POLR3G: variants seen among roughly 807,000 people sequenced by gnomAD.
The protein encoded by POLR3G is RNA polymerase III subunit G, also known as DNA-directed RNA polymerase III subunit RPC7.
A neutral mutation model predicts 30.1 loss-of-function variants in POLR3G; 28 were observed. The observed-to-expected ratio is 0.93, with a 90% CI of 0.69 to 1.27. The LOEUF (loss-of-function observed/expected upper bound fraction) is 1.27. POLR3G is among the 50% of genes most tolerant of loss of function. The probability of loss-of-function intolerance (pLI) is 0.00; values close to 1 mark genes in which losing one functional copy is unlikely to be tolerated. For missense variants in POLR3G, 254 were observed against 264.6 expected (o/e 0.96, Z 0.28); for synonymous variants, 79 against 82.5 (o/e 0.96, Z 0.23).
At chr5:90,491,208 G>A (rs1224093070) in intron 3 of POLR3G, among the ~76,000 whole-genome samples, 4 of 152,156 alleles carry the variant, frequency 2.6e-5, no homozygotes, top group South Asian at 4.1e-4. Context: ...GAAATGATTA[G>A]TATTTTCTTT....
chr5:90,501,845 A>G lies in POLR3G; in HGVS notation c.356-61A>G, dbSNP rs560718788. The G allele has an allele frequency of 4.0e-5, 63 of 1,589,288 alleles. No individual in the cohort carries two copies. The African/African-American group carries it at 7.3e-4, about 19-fold the overall frequency. The stretch of plus-strand genomic sequence containing the variant: ...ATGCTGGACAGCATACGCAAAGACA[A>G]GGAAATATAATACAGAGTTGCAGTT... On this transcript the variant is annotated intron_variant, in intron 5 of 7. Transcript: ENST00000651687.
intron 7 of POLR3G, among the ~76,000 whole-genome samples, chr5:90,511,221 T>C (rs1752725084): frequency 6.6e-6 from 1 of 152,174 alleles, no homozygotes; most frequent in African/African-American, 2.4e-5. Context: ...GATTCAAAAA[T>C]AAGGGCTCTT....
intron 7 of POLR3G, among the ~76,000 whole-genome samples, chr5:90,507,934 C>T (rs534891928): frequency 2.1e-4 from 32 of 152,198 alleles, no homozygotes; most frequent in Middle Eastern, 3.4e-3. Flanking sequence ...AACTTAGACC[C>T]TTGCTCGCCC....
rs185262499 is a variant in POLR3G, at chr5:90,482,434, G to A, written c.-43-3091G>A. 3.3e-5 allele frequency among the ~76,000 whole-genome samples: 5 copies of A among 152,296 alleles called. No homozygotes were observed. The East Asian group carries it at 9.6e-4, about 29-fold the overall frequency. ...TGTCCTTGTTCATTCCTGGGCATAG[G>A]CTGAACTAACTTTGGGAGGAAATTA... On this transcript the variant is annotated intron_variant, in intron 1 of 7. Transcript: ENST00000651687.
At chr5:90,492,671 A>G (rs1254350074) in intron 3 of POLR3G, among the ~76,000 whole-genome samples, 1 of 152,050 alleles carries the variant, frequency 6.6e-6, no homozygotes, top group East Asian at 1.9e-4. Context: ...TCACGAGGTC[A>G]GGAGATCAAG....
intron 6 of POLR3G, among the ~76,000 whole-genome samples, chr5:90,504,432 G>A (rs1242813571): frequency 6.6e-6 from 1 of 151,918 alleles, no homozygotes; most frequent in African/African-American, 2.4e-5. Flanking sequence ...CGTGGTAGCA[G>A]GCGCCTGTAG....
intron 7 of POLR3G, among the ~76,000 whole-genome samples, chr5:90,510,327 G>A (rs939953323): frequency 5.9e-5 from 9 of 151,920 alleles, no homozygotes; most frequent in South Asian, 2.1e-4. Flanking sequence ...TCAGTGAGCC[G>A]AGATCGCGCC....
chr5:90,506,394 C>T, intron 6 of POLR3G, 134 bp from the exon 7 acceptor site: 1 of 1,252,796 alleles, frequency 8.0e-7, no homozygotes, highest in Non-Finnish European at 1.1e-6. Flanking sequence ...CTCATAGTTT[C>T]CTAGGTGGTA....
At chr5:90,505,686 G>T (rs952690631) in intron 6 of POLR3G, among the ~76,000 whole-genome samples, 1 of 152,006 alleles carries the variant, frequency 6.6e-6, no homozygotes, top group Non-Finnish European at 1.5e-5. Context: ...TAAGAAACAA[G>T]AATTCCTGGC....
intron 2 of POLR3G, 51 bp from the exon 3 acceptor site, chr5:90,487,949 T>C (rs1277193762): frequency 1.4e-6 from 2 of 1,436,042 alleles, no homozygotes; most frequent in Non-Finnish European, 1.9e-6. Context: ...AAAAGGGATA[T>C]TAAAATACAT....
intron 3 of POLR3G, among the ~76,000 whole-genome samples, chr5:90,492,483 G>A (rs1054834641): frequency 3.9e-5 from 6 of 152,154 alleles, no homozygotes; most frequent in South Asian, 2.1e-4. Context: ...ACATGAAATT[G>A]TTTTCTGGAT....
intron 6 of POLR3G, among the ~76,000 whole-genome samples, chr5:90,502,919 T>C (rs1309563246): frequency 6.6e-6 from 1 of 152,068 alleles, no homozygotes; most frequent in East Asian, 1.9e-4. Context: ...TTATTAACAA[T>C]GCTGCAATGA....
intron 3 of POLR3G, among the ~76,000 whole-genome samples, chr5:90,491,259 A>G (rs187975432): frequency 2.5e-4 from 38 of 152,366 alleles, no homozygotes; most frequent in Non-Finnish European, 4.3e-4. Context: ...GAAAAACACC[A>G]ATGAATATTA....
chr5:90,488,201 T>C, intron 3 of POLR3G, 72 bp downstream of exon 3: 1 of 1,223,882 alleles, frequency 8.2e-7, no homozygotes, highest in East Asian at 2.8e-5. Flanking sequence ...ACAAGATATA[T>C]AATCATTTAA....
rs773881344 is a variant in POLR3G, at chr5:90,478,569, C to CTTTTTTTTTTTTTTTTTT, written c.-44+3566_-44+3567insTTTTTTTTTTTTTTTTTT. Among the ~76,000 whole-genome samples, 355 of 79,270 alleles carry CTTTTTTTTTTTTTTTTTT rather than the reference C, an allele frequency of 4.5e-3. 86 individuals are homozygous for CTTTTTTTTTTTTTTTTTT. The highest frequency in any genetic ancestry group is 0.012 in the Middle Eastern group (1 of 82). The allele number at this position is 79,270 out of a possible 152,430, so 52.0% of individuals were successfully genotyped here. The stretch of plus-strand genomic sequence containing the variant: ...AATGGGAGGTTTAATCTGCGTGGTT[C>CTTTTTTTTTTTTTTTTTT]TTTTTTTTTTTTTTTTTGAGAGGGA... On this transcript the variant is annotated intron_variant, in intron 1 of 7. Coordinates refer to ENST00000651687, the MANE Select transcript of POLR3G (RefSeq NM_006467.3).
At chr5:90,508,137 G>A (rs1752576733) in intron 7 of POLR3G, among the ~76,000 whole-genome samples, 1 of 152,052 alleles carries the variant, frequency 6.6e-6, no homozygotes, top group Non-Finnish European at 1.5e-5. Flanking sequence ...CATGTTTTCT[G>A]TTTTTAAGTC....
upstream of POLR3G, chr5:90,474,301 G>A (rs566050806): frequency 1.2e-6 from 2 of 1,611,812 alleles, no homozygotes; most frequent in South Asian, 1.1e-5. Flanking sequence ...ATGCTGGGCA[G>A]GGGTGCAGCC....
chr5:90,483,475 T>C (rs1367881943), intron 1 of POLR3G, among the ~76,000 whole-genome samples: 1 of 152,206 alleles, frequency 6.6e-6, no homozygotes, highest in African/African-American at 2.4e-5. Flanking sequence ...TCTGGGGCCT[T>C]AAATGTAGAA....
At chr5:90,476,666 G>A (rs1750840583) in intron 1 of POLR3G, among the ~76,000 whole-genome samples, 4 of 152,176 alleles carry the variant, frequency 2.6e-5, no homozygotes, top group Non-Finnish European at 5.9e-5. Context: ...CTAGGCTTTC[G>A]TTAGTAATGG....
Sources: allele counts gnomAD v4.1 joint callset (sites outside exome capture counted in the v4.1 genomes callset), GRCh38; gene constraint gnomAD v4.1.1; transcripts MANE v1.5; gene names NCBI Gene and HGNC (gene_info 2026-07-23, HGNC 2026-07-21).